ATP10B: variants seen among roughly 807,000 people sequenced by gnomAD.
The protein encoded by ATP10B is ATPase phospholipid transporting 10B (putative), also known as phospholipid-transporting ATPase VB.
ATP10B carries 122 observed loss-of-function variants against 141.2 expected under a neutral mutation model. That is an observed-to-expected ratio of 0.86 (90% CI 0.75 to 1.00). The LOEUF (loss-of-function observed/expected upper bound fraction) is 1.00, where lower values mean the gene tolerates loss of function less well. Ranked by LOEUF, ATP10B falls within the 50% of genes least tolerant of loss-of-function variation. The pLI is 0.00. For missense variants in ATP10B, 1,876 were observed against 1,825.3 expected, an observed-to-expected ratio of 1.03 and a Z score of -0.51; for synonymous variants, 685 against 692.0, an observed-to-expected ratio of 0.99 and a Z score of 0.16.
chr5:160,729,859 G>A (rs901522408), intron 2 of ATP10B, among the ~76,000 whole-genome samples: 4 of 152,056 alleles, frequency 2.6e-5, no homozygotes, highest in Non-Finnish European at 5.9e-5. Context: ...ATCAGAGCCC[G>A]GACAGCCTTG....
At chr5:160,694,107 G>C (rs534601964) in intron 3 of ATP10B, among the ~76,000 whole-genome samples, 1 of 152,176 alleles carries the variant, frequency 6.6e-6, no homozygotes, top group Non-Finnish European at 1.5e-5. Context: ...CATTCTGGCC[G>C]AAGCACATAA....
At chr5:160,721,328 A>G (rs913869322) in intron 2 of ATP10B, among the ~76,000 whole-genome samples, 2 of 152,156 alleles carry the variant, frequency 1.3e-5, no homozygotes, top group Admixed American at 6.5e-5. Context: ...AGATTCTGCT[A>G]GATATCTAGT....
At chr5:160,747,568 G>A (rs1416094808) in intron 2 of ATP10B, among the ~76,000 whole-genome samples, 2 of 152,114 alleles carry the variant, frequency 1.3e-5, no homozygotes, top group African/African-American at 4.8e-5. Context: ...GGAAGACAGA[G>A]GATAGATTGG....
chr5:160,814,882 A>AGCTTCATCCATAT, intron 1 of ATP10B, among the ~76,000 whole-genome samples: 1 of 152,316 alleles, frequency 6.6e-6, no homozygotes, highest in Middle Eastern at 3.4e-3. Context: ...ATCCAGCCAA[A>AGCTTCATCCATAT]CTAAGCTTCA....
intron 13 of ATP10B, among the ~76,000 whole-genome samples, chr5:160,628,127 G>A (rs973668315): frequency 2.0e-5 from 3 of 152,246 alleles, no homozygotes; most frequent in African/African-American, 7.2e-5. Context: ...AAAGTCCAAT[G>A]TTAGTAAATG....
At chr5:160,885,560 TGGAAA>T in the ATP10B span, among the ~76,000 whole-genome samples, 6 of 152,278 alleles carry the variant, frequency 3.9e-5, no homozygotes, top group Non-Finnish European at 8.8e-5. Context: ...TTGTTGCTGA[TGGAAA>T]GGAAAGTTAT....
At chr5:160,637,284 T>C (rs952775404) in intron 10 of ATP10B, among the ~76,000 whole-genome samples, 2 of 151,860 alleles carry the variant, frequency 1.3e-5, no homozygotes, top group Non-Finnish European at 1.5e-5. Context: ...TATCCATCCA[T>C]CCATCCACCC....
the ATP10B span, among the ~76,000 whole-genome samples, chr5:160,922,460 A>T: frequency 6.6e-6 from 1 of 152,208 alleles, no homozygotes; most frequent in African/African-American, 2.4e-5. Context: ...TAAAGAATGG[A>T]GGAGGATGTG....
In ATP10B at chr5:160,686,124, C is replaced by A. The variant is rs372475838; in HGVS notation, c.425G>T (p.Arg142Leu). The change falls in exon 6 of 26, where the codon CGC becomes CTC. Residue 142 changes from arginine (R) to leucine (L), a missense_variant. Physicochemically the swap from Arg to Leu is moderately radical, Grantham distance 102 (BLOSUM62 -2). Coordinates refer to ENST00000327245, the MANE Select transcript of ATP10B (RefSeq NM_025153.3). ...KDGMEDFKRH[R>L]FDKAINCSNI... Reference sequence around the variant, plus strand: ...GGAGCAGTTTATTGCTTTATCAAAGCGGTGTCTCTTGAAGTCCTCCATGCC... The same window carrying A: ...GGAGCAGTTTATTGCTTTATCAAAGAGGTGTCTCTTGAAGTCCTCCATGCC... The A allele has an allele frequency of 8.1e-6, 13 of 1,603,590 alleles. No individual in the cohort carries two copies. In the East Asian group the frequency reaches 2.7e-4, roughly 33 times the overall value.
rs558116820 is a variant in ATP10B at position 160,845,509 on chromosome 5, G to C, written c.-576+6432C>G. ...TGATCAAGTGGTAGCTACATACAAA[G>C]TGTTCACTTTGTTATAGTTCATCAA... On this transcript the variant is annotated intron_variant, in intron 1 of 25. Transcript: ENST00000327245. 3.9e-5 allele frequency among the ~76,000 whole-genome samples: 6 copies of C among 152,250 alleles called. No homozygotes were observed. In the East Asian group the frequency reaches 1.2e-3, roughly 29 times the overall value.
chr5:160,896,689 A>G, the ATP10B span, among the ~76,000 whole-genome samples: 1 of 152,196 alleles, frequency 6.6e-6, no homozygotes, highest in African/African-American at 2.4e-5. Context: ...TCCCTAACTC[A>G]TTTTATGAGG....
intron 13 of ATP10B, among the ~76,000 whole-genome samples, chr5:160,630,872 A>G (rs1758883325): frequency 1.3e-5 from 2 of 152,236 alleles, no homozygotes; most frequent in Admixed American, 6.5e-5. Context: ...AAGTTAGATG[A>G]GTAATGACCC....
upstream of ATP10B, among the ~76,000 whole-genome samples, chr5:160,856,401 A>C (rs1753999903): frequency 6.6e-6 from 1 of 151,862 alleles, no homozygotes; most frequent in Non-Finnish European, 1.5e-5. Context: ...CTAGGAGTAT[A>C]TTGTAGATTC....
chr5:160,580,177 G>A (rs1755453688), intron 24 of ATP10B, among the ~76,000 whole-genome samples: 2 of 152,122 alleles, frequency 1.3e-5, no homozygotes, highest in South Asian at 2.1e-4. Context: ...GATTGCCCTG[G>A]CCAGAACTTC....
intron 14 of ATP10B, among the ~76,000 whole-genome samples, chr5:160,622,050 G>T (rs1758377317): frequency 6.6e-6 from 1 of 152,196 alleles, no homozygotes; most frequent in Admixed American, 6.5e-5. Context: ...TTGCTGGGTT[G>T]AGAGGATTAA....
chr5:160,888,292 A>G, the ATP10B span, among the ~76,000 whole-genome samples: 1 of 152,210 alleles, frequency 6.6e-6, no homozygotes, highest in African/African-American at 2.4e-5. Flanking sequence ...ACCTCTGACA[A>G]AGAAATTTCT....
the ATP10B span, among the ~76,000 whole-genome samples, chr5:160,921,306 G>A: frequency 1.7e-4 from 26 of 150,130 alleles, no homozygotes; most frequent in African/African-American, 5.9e-4. Context: ...ATATCTTAAA[G>A]ATTGTTTCAT....
At chr5:160,839,204 T>C (rs1477300718) in intron 1 of ATP10B, among the ~76,000 whole-genome samples, 3 of 152,146 alleles carry the variant, frequency 2.0e-5, no homozygotes, top group Non-Finnish European at 4.4e-5. Flanking sequence ...TATTGAATTG[T>C]GTAAAAATTT....
chr5:160,872,185 CTTCTT>C, the ATP10B span, among the ~76,000 whole-genome samples: 1 of 152,032 alleles, frequency 6.6e-6, no homozygotes, highest in African/African-American at 2.4e-5. Flanking sequence ...ATTTGTATAT[CTTCTT>C]TTGAGAACTG....
Sources: allele counts gnomAD v4.1 joint callset (sites outside exome capture counted in the v4.1 genomes callset), GRCh38; gene constraint gnomAD v4.1.1; transcripts MANE v1.5; gene names NCBI Gene and HGNC (gene_info 2026-07-23, HGNC 2026-07-21).